Variants in MRPL48 observed in about 807,000 individuals in gnomAD.
The protein encoded by MRPL48 is mitochondrial ribosomal protein L48.
In MRPL48, 16 loss-of-function variants were observed where a neutral mutation model predicts 32.9. That is an observed-to-expected ratio of 0.49 (90% CI 0.33 to 0.74). The LOEUF is 0.74. Ranked by LOEUF, MRPL48 falls within the 30% of genes least tolerant of loss-of-function variation. MRPL48 has a pLI of 0.02. For synonymous variants in MRPL48, 94 were observed against 89.2 expected (o/e 1.05, Z -0.31); for missense variants, 206 against 245.3 (o/e 0.84, Z 1.07).
intron 5 of MRPL48, among the ~76,000 whole-genome samples, chr11:73,855,645 G>A (rs1948471278): frequency 6.6e-6 from 1 of 152,012 alleles, no homozygotes; most frequent in Non-Finnish European, 1.5e-5. Context: ...CTGCCACCAC[G>A]CCCAGCTAAT....
intron 4 of MRPL48, among the ~76,000 whole-genome samples, chr11:73,829,120 A>G (rs1010344852): frequency 6.6e-6 from 1 of 151,468 alleles, no homozygotes; most frequent in Non-Finnish European, 1.5e-5. Context: ...CCTCTTCTCC[A>G]CTCTCCCGGA....
At chr11:73,834,015 C>G (rs36011596) in intron 4 of MRPL48, among the ~76,000 whole-genome samples, 6,357 of 152,054 alleles carry the variant, frequency 0.042, 195 homozygotes, top group Middle Eastern at 0.11. Context: ...CCCCACCACA[C>G]CTGGCTAATT....
At chr11:73,853,513 A>T (rs1183273577) in intron 5 of MRPL48, among the ~76,000 whole-genome samples, 2 of 152,028 alleles carry the variant, frequency 1.3e-5, no homozygotes, top group Non-Finnish European at 2.9e-5. Flanking sequence ...CATCTATATA[A>T]TGAGGATGAT....
intron 3 of MRPL48, among the ~76,000 whole-genome samples, chr11:73,809,560 T>C (rs1442935999): frequency 6.6e-6 from 1 of 152,104 alleles, no homozygotes; most frequent in Non-Finnish European, 1.5e-5. Context: ...ATTATTATTA[T>C]TATTAATACT....
In MRPL48 at chr11:73,830,756, C is replaced by T. The variant is rs973615147; in HGVS notation, c.201+4960C>T. Among the ~76,000 whole-genome samples, 2 of 152,040 alleles carry T rather than the reference C, an allele frequency of 1.3e-5. 1 individual carries two copies. The highest frequency in any genetic ancestry group is 3.8e-4 in the East Asian group (2 of 5,196). On this transcript the variant is annotated intron_variant, in intron 4 of 7. Transcript: ENST00000310614. ...TTCATTCCTCCTTCGAAAGGTCCCA[C>T]ACTCAGTCTTATGACTTACGCATCT...
chr11:73,808,395 C>G, intron 3 of MRPL48, 45 bp downstream of exon 3: 1 of 1,541,998 alleles, frequency 6.5e-7, no homozygotes, highest in Middle Eastern at 1.7e-4. Flanking sequence ...TTAAGTGACC[C>G]TTTAGCACTC....
At chr11:73,815,928 G>A (rs373379040) in intron 3 of MRPL48, among the ~76,000 whole-genome samples, 2 of 150,488 alleles carry the variant, frequency 1.3e-5, no homozygotes, top group Non-Finnish European at 3.0e-5. Context: ...GTCTCCCTAC[G>A]TTGCCCAGGC....
intron 4 of MRPL48, among the ~76,000 whole-genome samples, chr11:73,839,415 C>T (rs555997116): frequency 3.5e-4 from 53 of 152,074 alleles, no homozygotes; most frequent in Non-Finnish European, 7.1e-4. Flanking sequence ...TACTATAAAT[C>T]TCCAATTATT....
chr11:73,824,028 G>A (rs1426657877), intron 3 of MRPL48, among the ~76,000 whole-genome samples: 1 of 151,650 alleles, frequency 6.6e-6, no homozygotes, highest in Non-Finnish European at 1.5e-5. Context: ...GCTAATTTTT[G>A]TATCTTTAGT....
At chr11:73,801,722 A>G (rs1306038858) in intron 1 of MRPL48, among the ~76,000 whole-genome samples, 1 of 152,184 alleles carries the variant, frequency 6.6e-6, no homozygotes, top group Non-Finnish European at 1.5e-5. Context: ...CTTCAATAGT[A>G]GTTGTGTGAC....
intron 6 of MRPL48, among the ~76,000 whole-genome samples, chr11:73,860,670 T>G (rs1465597246): frequency 6.6e-6 from 1 of 152,114 alleles, no homozygotes; most frequent in Non-Finnish European, 1.5e-5. Flanking sequence ...ATTCACAGCT[T>G]CCCAGCTTTA....
intron 3 of MRPL48, 28 bp from the exon 4 acceptor site, chr11:73,825,680 C>T (rs538491889): frequency 1.3e-6 from 2 of 1,528,106 alleles, no homozygotes; most frequent in South Asian, 1.2e-5. Flanking sequence ...AACAAAAAAA[C>T]AGGTTTGTCT....
chr11:73,797,810 C>T (rs549883419), intron 1 of MRPL48, among the ~76,000 whole-genome samples: 110 of 152,162 alleles, frequency 7.2e-4, no homozygotes, highest in Non-Finnish European at 1.1e-3. Flanking sequence ...GAGCAAAATT[C>T]GGGCAAAGAT....
chr11:73,791,259 T>A (rs1012251296), intron 1 of MRPL48, among the ~76,000 whole-genome samples: 9 of 152,106 alleles, frequency 5.9e-5, no homozygotes, highest in Non-Finnish European at 1.3e-4. Flanking sequence ...ATCTGTGAAA[T>A]GCAGGATGAA....
chr11:73,816,063 T>C (rs1255599421), intron 3 of MRPL48, among the ~76,000 whole-genome samples: 6 of 151,056 alleles, frequency 4.0e-5, no homozygotes, highest in Non-Finnish European at 7.4e-5. Context: ...ATTTTATATT[T>C]ATTTATTTAT....
chr11:73,845,348 T>C (rs1948269454), intron 5 of MRPL48, among the ~76,000 whole-genome samples: 1 of 152,268 alleles, frequency 6.6e-6, no homozygotes, highest in Non-Finnish European at 1.5e-5. Context: ...AAGTTTTCTT[T>C]TTAGTGGTAA....
chr11:73,826,850 C>T (rs980570407), intron 4 of MRPL48, among the ~76,000 whole-genome samples: 20 of 148,826 alleles, frequency 1.3e-4, no homozygotes, highest in Admixed American at 1.1e-3. Flanking sequence ...GATCTCGGCT[C>T]ACTGCAACCT....
intron 1 of MRPL48, among the ~76,000 whole-genome samples, chr11:73,802,509 T>A (rs957002184): frequency 6.6e-6 from 1 of 152,190 alleles, no homozygotes; most frequent in African/African-American, 2.4e-5. Context: ...CAGCCACTAA[T>A]TGACTTCCTT....
At chr11:73,812,035 G>T (rs1390241699) in intron 3 of MRPL48, among the ~76,000 whole-genome samples, 1 of 152,064 alleles carries the variant, frequency 6.6e-6, no homozygotes, top group East Asian at 1.9e-4. Context: ...ACAGGCACCT[G>T]CCACCACGCC....
Sources: gnomAD v4.1 joint callset for allele counts (sites outside exome capture counted in the v4.1 genomes callset) on GRCh38, gnomAD v4.1.1 for gene constraint, MANE v1.5 for transcripts, NCBI Gene and HGNC (gene_info 2026-07-23, HGNC 2026-07-21) for gene names.